DNAJC13: variants seen among roughly 807,000 people sequenced by gnomAD.
The protein encoded by DNAJC13 is DnaJ heat shock protein family (Hsp40) member C13.
DNAJC13 carries 75 observed loss-of-function variants against 290.5 expected under a neutral mutation model. That is an observed-to-expected ratio of 0.26 (90% confidence interval 0.21 to 0.31). The LOEUF is 0.31. Among genes scored for constraint, DNAJC13 ranks in the 10% least tolerant of loss-of-function variants. The pLI is 1.00. For missense variants in DNAJC13, 2,260 were observed against 2,674.5 expected, an observed-to-expected ratio of 0.85 and a Z score of 3.42; for synonymous variants, 862 against 892.0, an observed-to-expected ratio of 0.97 and a Z score of 0.60.
chr3:132,442,769 C>T (rs757274102), intron 2 of DNAJC13, among the ~76,000 whole-genome samples: 1 of 152,090 alleles, frequency 6.6e-6, no homozygotes, highest in Non-Finnish European at 1.5e-5. Context: ...TTCTTGTAGG[C>T]ATTTAATGAT....
chr3:132,490,736 C>G (rs1383572482), intron 31 of DNAJC13, among the ~76,000 whole-genome samples, 161 bp from the exon 32 acceptor site: 2 of 152,298 alleles, frequency 1.3e-5, no homozygotes, highest in Non-Finnish European at 2.9e-5. Context: ...CCTTCCAGTT[C>G]ACATTTTGCT....
At chr3:132,530,909 C>T (rs915211869) in intron 54 of DNAJC13, 89 bp from the exon 55 acceptor site, 2 of 1,157,846 alleles carry the variant, frequency 1.7e-6, no homozygotes, top group Non-Finnish European at 2.6e-6. Flanking sequence ...TGGCCTTCTT[C>T]CTTGTTGCTT....
At position 132,461,089 on chromosome 3, in the gene DNAJC13, G is replaced by A; in HGVS notation, c.1597G>A (p.Asp533Asn). The change falls in exon 15 of 56, where the codon GAC (aspartate) becomes AAC (asparagine). Residue 533 changes from aspartate to asparagine, a missense_variant. This residue lies in a region of DNAJC13 where 762 missense variants were observed against 964.1 expected (regional missense o/e 0.79). Coordinates refer to ENST00000260818, the MANE Select transcript of DNAJC13 (RefSeq NM_015268.4). ...TGCCCTAGTTATTAGTTCGCTCTTG[G>A]ACTTCCTTACCTTTGCCCTCTGTGC... ...TGALVISSLL[D>N]FLTFALCAPY... 1 of 1,614,040 alleles carries A rather than the reference G, an allele frequency of 6.2e-7. No individual in the cohort carries two copies. Among genetic ancestry groups the A allele is most frequent in the Non-Finnish European group, 8.5e-7 (1 of 1,179,964 alleles).
chr3:132,530,788 T>C (rs1936392079), intron 54 of DNAJC13, among the ~76,000 whole-genome samples: 1 of 152,228 alleles, frequency 6.6e-6, no homozygotes, highest in African/African-American at 2.4e-5. Flanking sequence ...GAGGGACGAC[T>C]GACTTGAGGA....
intron 5 of DNAJC13, 68 bp from the exon 6 acceptor site, chr3:132,450,579 A>T: frequency 2.5e-6 from 3 of 1,176,802 alleles, no homozygotes; most frequent in Non-Finnish European, 2.4e-6. Flanking sequence ...AGTGACTGTG[A>T]TACATTAAAT....
rs575189413 is a variant in DNAJC13 at position 132,508,188 on chromosome 3, G to A, written c.5115+835G>A. On this transcript the variant is annotated intron_variant, in intron 43 of 55. Coordinates refer to ENST00000260818, the MANE Select transcript of DNAJC13 (RefSeq NM_015268.4). ...TGTGAAGGCTGAGATAGAGGGTAAGGAAGCTGCAGAAGAAAAGTTTGAAGC... is the reference window on the plus strand; with the variant it reads ...TGTGAAGGCTGAGATAGAGGGTAAGAAAGCTGCAGAAGAAAAGTTTGAAGC... Among the ~76,000 whole-genome samples the A allele has an allele frequency of 2.6e-5, 4 of 152,298 alleles. No individual in the cohort carries two copies. The East Asian group carries it at 7.7e-4, about 29-fold the overall frequency.
intron 33 of DNAJC13, among the ~76,000 whole-genome samples, chr3:132,493,328 G>A (rs529335328): frequency 1.3e-5 from 2 of 151,950 alleles, no homozygotes; most frequent in African/African-American, 4.8e-5. Context: ...AAAGATTTCA[G>A]AATAATTGCC....
rs62292950 is a variant in DNAJC13, at chr3:132,479,151, T to G, written c.2710-76T>G. On this transcript the variant is annotated intron_variant, in intron 24 of 55. Coordinates refer to ENST00000260818, the MANE Select transcript of DNAJC13 (RefSeq NM_015268.4). The stretch of plus-strand genomic sequence containing the variant: ...CATTACTTCTTATGGGCTGTTGGTT[T>G]ATTTTGTCTAGTAATAGTAATACCT... 0.16 allele frequency: 143,376 copies of G among 869,126 alleles called. 16,407 individuals are homozygous for G. The highest frequency in any genetic ancestry group is 0.51 in the African/African-American group (30,032 of 58,544). 53.8% of individuals were successfully genotyped at this position (869,126 alleles called of 1,614,324 possible).
intron 48 of DNAJC13, among the ~76,000 whole-genome samples, chr3:132,520,998 G>A (rs1236708317): frequency 6.6e-6 from 1 of 152,180 alleles, no homozygotes; most frequent in Non-Finnish European, 1.5e-5. Context: ...AATGAAATCT[G>A]TTAAGACATA....
intron 48 of DNAJC13, among the ~76,000 whole-genome samples, chr3:132,522,478 G>A (rs908151163): frequency 1.5e-4 from 23 of 152,282 alleles, no homozygotes; most frequent in African/African-American, 4.8e-4. Flanking sequence ...CTGGCTAAGG[G>A]CATTCTGCAT....
At chr3:132,462,038 G>A (rs2107674451) in intron 15 of DNAJC13, among the ~76,000 whole-genome samples, 1 of 152,180 alleles carries the variant, frequency 6.6e-6, no homozygotes, top group African/African-American at 2.4e-5. Context: ...TAGGCCCAAA[G>A]TTCCCTTTTC....
chr3:132,490,807 A>T, intron 31 of DNAJC13, 90 bp from the exon 32 acceptor site: 2 of 1,278,714 alleles, frequency 1.6e-6, no homozygotes, highest in Non-Finnish European at 2.1e-6. Flanking sequence ...TTCTTTTCTT[A>T]AAGTGTTCTC....
intron 1 of DNAJC13, among the ~76,000 whole-genome samples, chr3:132,429,784 C>T (rs1314397066): frequency 6.6e-6 from 1 of 152,086 alleles, no homozygotes; most frequent in Non-Finnish European, 1.5e-5. Flanking sequence ...CCTTACCTCT[C>T]AGATATACCC....
At chr3:132,454,272 A>G in intron 9 of DNAJC13, 115 bp downstream of exon 9, 1 of 791,750 alleles carries the variant, frequency 1.3e-6, no homozygotes. Flanking sequence ...AATTTGGGAA[A>G]AGACATTTTC....
chr3:132,472,818 G>A (rs911562627), intron 20 of DNAJC13, among the ~76,000 whole-genome samples: 4 of 152,178 alleles, frequency 2.6e-5, no homozygotes, highest in African/African-American at 7.2e-5. Flanking sequence ...GCATGTAAAT[G>A]TTTGAAACAA....
At chr3:132,428,971 A>G (rs1293690045) in intron 1 of DNAJC13, among the ~76,000 whole-genome samples, 3 of 151,244 alleles carry the variant, frequency 2.0e-5, no homozygotes, top group Non-Finnish European at 3.0e-5. Flanking sequence ...CTGACTTTGT[A>G]ATTTGTCCAC....
At position 132,522,811 on chromosome 3, in the gene DNAJC13, C is replaced by CA. The variant is rs1936131010; in HGVS notation, c.5674-14dup. On this transcript the variant is annotated splice_polypyrimidine_tract_variant and intron_variant, in intron 48 of 55. Coordinates refer to ENST00000260818, the MANE Select transcript of DNAJC13 (RefSeq NM_015268.4). ...TTCCAATAGGTGTCTTTTTCATTCTCAAACTTCCTCGTATAGGTTCGAATT... is the reference window on the plus strand; with the variant it reads ...TTCCAATAGGTGTCTTTTTCATTCTCAAAACTTCCTCGTATAGGTTCGAATT... 6.3e-7 allele frequency: 1 copy of CA among 1,575,542 alleles called. No individual in the cohort carries two copies. Among genetic ancestry groups the CA allele is most frequent in the African/African-American group, 1.4e-5 (1 of 72,648 alleles).
rs760231578 is a variant in DNAJC13 at position 132,511,081 on chromosome 3, T to G, written c.5130T>G (p.Phe1710Leu). The change falls in exon 44 of 56, where the codon TTT becomes TTG. Residue 1710 changes from phenylalanine to leucine, a missense_variant. By Grantham distance (22) the Phe-to-Leu change is conservative. Transcript: ENST00000260818. ...PTFQLEVPKA[F>L]AASLLDYIGS... ...GCATTGATTAGGTTCCAAAAGCATT[T>G]GCTGCAAGTCTCTTGGATTATATAG... 8.7e-6 allele frequency: 14 copies of G among 1,613,688 alleles called. No individual in the cohort carries two copies. Among genetic ancestry groups the G allele is most frequent in the Non-Finnish European group, 1.2e-5 (14 of 1,179,800 alleles).
chr3:132,418,028 C>T (rs555905098), intron 1 of DNAJC13, among the ~76,000 whole-genome samples: 3 of 152,182 alleles, frequency 2.0e-5, no homozygotes, highest in East Asian at 3.9e-4. Flanking sequence ...CTAGTACGCT[C>T]CTCCACTCGC....
Sources: allele counts gnomAD v4.1 joint callset (sites outside exome capture counted in the v4.1 genomes callset), GRCh38; gene constraint gnomAD v4.1.1; regional missense constraint gnomAD v4.1.1; transcripts MANE v1.5; gene names NCBI Gene and HGNC (gene_info 2026-07-23, HGNC 2026-07-21).